The following CPED1 variants were observed in gnomAD, a reference collection of about 807,000 sequenced individuals.
CPED1 encodes cadherin like and PC-esterase domain containing 1, also known as cadherin-like and PC-esterase domain-containing protein 1.
A neutral mutation model predicts 128.2 loss-of-function variants in CPED1; 114 were observed. The ratio of observed to expected loss-of-function variants is 0.89; its 90% CI spans 0.76 to 1.04. The LOEUF is 1.04. Ranked by LOEUF, CPED1 falls within the 50% of genes least tolerant of loss-of-function variation. The probability of loss-of-function intolerance (pLI) is 0.00; values close to 1 mark genes in which losing one functional copy is unlikely to be tolerated. For synonymous variants in CPED1, 462 were observed against 426.7 expected (o/e 1.08, Z -1.02); for missense variants, 1,211 against 1,207.1 (o/e 1.00, Z -0.05).
chr7:121,032,251 A>G lies in CPED1; in HGVS notation c.434-14636A>G, dbSNP rs370467231. Among the ~76,000 whole-genome samples the G allele has an allele frequency of 3.9e-5, 6 of 152,238 alleles. No homozygotes were observed. In the East Asian group the frequency reaches 9.6e-4, roughly 24 times the overall value. ...ATTTTAAGTAAGGACAAACAAAAGA[A>G]GCAAGATTGCTATACAAATTTTTAG... On this transcript the variant is annotated intron_variant, in intron 3 of 22. Transcript: ENST00000310396.
rs7778961 is a variant in CPED1, at chr7:121,149,127, A to T, written c.2055+6986A>T. Among the ~76,000 whole-genome samples the T allele has an allele frequency of 6.6e-3, 1,010 of 152,218 alleles. 13 individuals are homozygous for T. The highest frequency in any genetic ancestry group is 0.022 in the African/African-American group (903 of 41,538). ...GGTATTTCAGATTCTTTGTCCATGG[A>T]CTGAGGCATCCTTTACCAGTGAGCC... On this transcript the variant is annotated intron_variant, in intron 16 of 22. Coordinates refer to ENST00000310396, the MANE Select transcript of CPED1 (RefSeq NM_024913.5).
At chr7:121,007,269 T>C (rs1244297380) in intron 2 of CPED1, among the ~76,000 whole-genome samples, 2 of 149,644 alleles carry the variant, frequency 1.3e-5, no homozygotes, top group Non-Finnish European at 3.0e-5. Context: ...CTTGCACTCT[T>C]CCATTCTCCA....
chr7:121,220,552 C>T (rs1797852432), intron 16 of CPED1, among the ~76,000 whole-genome samples: 1 of 151,976 alleles, frequency 6.6e-6, no homozygotes, highest in Non-Finnish European at 1.5e-5. Flanking sequence ...TTGTTCTAAA[C>T]CACATAATTT....
intron 16 of CPED1, among the ~76,000 whole-genome samples, chr7:121,156,382 C>T (rs1463508279): frequency 6.6e-6 from 1 of 152,128 alleles, no homozygotes; most frequent in African/African-American, 2.4e-5. Context: ...GAGATATTTG[C>T]ACTCTCCTGT....
chr7:121,154,725 T>C (rs1328285217), intron 16 of CPED1, among the ~76,000 whole-genome samples: 29 of 152,056 alleles, frequency 1.9e-4, no homozygotes, highest in Admixed American at 1.9e-3. Flanking sequence ...TTTGTATTTT[T>C]AGTAGAGACG....
chr7:121,078,498 G>GAAAA (rs529856618), intron 5 of CPED1, among the ~76,000 whole-genome samples: 47 of 101,852 alleles, frequency 4.6e-4, no homozygotes, highest in Non-Finnish European at 6.5e-4. Flanking sequence ...AAGAAAGAAA[G>GAAAA]AAAAAAAAAA....
At position 121,015,679 on chromosome 7, in the gene CPED1, G is replaced by A. The variant is rs201927951; in HGVS notation, c.264G>A (p.Met88Ile). ...TCTTTTCTTAGGTCAAAGAATCAAT[G>A]GAGACACACTTTGGCAGCCATGGCC... is the stretch of plus-strand genomic sequence containing the variant. ...AQETRKVKES[M>I]ETHFGSHGRR... Residue 88 changes from methionine (M) to isoleucine (I), a missense_variant, in exon 3 of 23, where the codon ATG becomes ATA. Met to Ile is a conservative substitution (Grantham distance 10). Coordinates refer to ENST00000310396, the MANE Select transcript of CPED1 (RefSeq NM_024913.5). 849 of 1,598,668 alleles carry A rather than the reference G, an allele frequency of 5.3e-4. 2 individuals carry two copies. The highest frequency in any genetic ancestry group is 6.7e-4 in the Non-Finnish European group (788 of 1,175,096).
intron 7 of CPED1, among the ~76,000 whole-genome samples, chr7:121,118,557 T>TAAA (rs34002082): frequency 8.7e-6 from 1 of 115,188 alleles, no homozygotes; most frequent in African/African-American, 3.6e-5. Context: ...AGACTCTGTC[T>TAAA]AAAAAAAAAA....
intron 16 of CPED1, among the ~76,000 whole-genome samples, chr7:121,188,883 T>A: frequency 6.6e-6 from 1 of 152,042 alleles, no homozygotes; most frequent in East Asian, 1.9e-4. Context: ...AAGACTAGGA[T>A]CTAAGCTTGG....
At chr7:121,218,151 A>ATTTT (rs34168785) in intron 16 of CPED1, among the ~76,000 whole-genome samples, 19 of 141,744 alleles carry the variant, frequency 1.3e-4, no homozygotes, top group African/African-American at 3.9e-4. Flanking sequence ...TGCCTGGCTA[A>ATTTT]TTTTTTTTTT....
At chr7:121,060,048 C>CG (rs1793614220) in intron 4 of CPED1, among the ~76,000 whole-genome samples, 1 of 146,128 alleles carries the variant, frequency 6.8e-6, no homozygotes, top group African/African-American at 2.8e-5. Flanking sequence ...GTGGGCTTGG[C>CG]GGGCCCTGCA....
At chr7:121,254,887 G>A (rs1397041681) in intron 18 of CPED1, among the ~76,000 whole-genome samples, 1 of 149,480 alleles carries the variant, frequency 6.7e-6, no homozygotes, top group African/African-American at 2.5e-5. Flanking sequence ...CCAATATTGA[G>A]CTCTGAAATT....
intron 4 of CPED1, among the ~76,000 whole-genome samples, chr7:121,057,451 C>A (rs890748520): frequency 6.6e-6 from 1 of 152,114 alleles, no homozygotes; most frequent in Admixed American, 6.5e-5. Flanking sequence ...CTCTGCAAGT[C>A]CCCAATTTCA....
chr7:121,168,628 A>G (rs1236201163), intron 16 of CPED1, among the ~76,000 whole-genome samples: 1 of 152,206 alleles, frequency 6.6e-6, no homozygotes, highest in Admixed American at 6.5e-5. Flanking sequence ...TAAAATGTAC[A>G]ATTAAATTAT....
intron 18 of CPED1, among the ~76,000 whole-genome samples, chr7:121,260,223 GTTTTTTTTTTTT>G (rs59370305): frequency 7.1e-5 from 5 of 69,978 alleles, no homozygotes; most frequent in Non-Finnish European, 1.2e-4. Context: ...CTTGCTTCGC[GTTTTTTTTTTTT>G]TTTTTTTTTT....
intron 4 of CPED1, among the ~76,000 whole-genome samples, chr7:121,056,786 A>T (rs1357136692): frequency 6.6e-6 from 1 of 152,152 alleles, no homozygotes; most frequent in East Asian, 1.9e-4. Flanking sequence ...CTTTTAAAAA[A>T]TTCATACATC....
At chr7:121,166,917 GAA>G (rs1049798138) in intron 16 of CPED1, among the ~76,000 whole-genome samples, 5 of 152,250 alleles carry the variant, frequency 3.3e-5, no homozygotes, top group African/African-American at 1.2e-4. Context: ...CCACTGAGAT[GAA>G]AAGAGTGCGT....
intron 22 of CPED1, among the ~76,000 whole-genome samples, chr7:121,282,558 C>G (rs1792484011): frequency 6.6e-6 from 1 of 152,106 alleles, no homozygotes; most frequent in Non-Finnish European, 1.5e-5. Flanking sequence ...AGTTTAGAGC[C>G]TATAAGAGTA....
At chr7:121,049,478 G>A (rs992715062) in intron 4 of CPED1, among the ~76,000 whole-genome samples, 4 of 152,308 alleles carry the variant, frequency 2.6e-5, no homozygotes, top group East Asian at 3.9e-4. Context: ...CCATTGGTCC[G>A]AGCTAACTGC....
Sources: allele counts gnomAD v4.1 joint callset (sites outside exome capture counted in the v4.1 genomes callset), GRCh38; gene constraint gnomAD v4.1.1; transcripts MANE v1.5; gene names NCBI Gene and HGNC (gene_info 2026-07-23, HGNC 2026-07-21).